Variants in ATP6V0A4 observed in about 807,000 individuals in gnomAD.
ATP6V0A4 encodes the protein ATPase H+ transporting V0 subunit a4.
ATP6V0A4 carries 86 observed loss-of-function variants against 107.3 expected under a neutral mutation model. That is an observed-to-expected ratio of 0.80 (90% CI 0.67 to 0.96). The LOEUF is 0.96. Among genes scored for constraint, ATP6V0A4 ranks in the 40% least tolerant of loss-of-function variants. The pLI is 0.00. For synonymous variants in ATP6V0A4, 353 were observed against 381.4 expected (o/e 0.93, Z 0.87); for missense variants, 908 against 1,045.6 (o/e 0.87, Z 1.81).
intron 18 of ATP6V0A4, among the ~76,000 whole-genome samples, chr7:138,725,808 C>T (rs1009199982): frequency 3.0e-4 from 46 of 152,028 alleles, no homozygotes; most frequent in Non-Finnish European, 2.9e-5. Flanking sequence ...CCACTGTGCC[C>T]GGTCAGGACT....
intron 5 of ATP6V0A4, among the ~76,000 whole-genome samples, chr7:138,763,681 G>A (rs765158348): frequency 6.6e-6 from 1 of 151,114 alleles, no homozygotes; most frequent in Non-Finnish European, 1.5e-5. Flanking sequence ...AAACAATATG[G>A]AGTCTTAAAA....
Position 138,709,809 on chromosome 7 carries a change from G to T in ATP6V0A4, c.2258-14C>A. ...CTTCAGACAGTTCTGCAAGGTACGAGAAACCACTGGGATTATCTTGTAAAT... is the reference window on the plus strand; with the variant it reads ...CTTCAGACAGTTCTGCAAGGTACGATAAACCACTGGGATTATCTTGTAAAT... On this transcript the variant is annotated splice_polypyrimidine_tract_variant and intron_variant, in intron 20 of 21. Coordinates refer to ENST00000310018, the MANE Select transcript of ATP6V0A4 (RefSeq NM_020632.3). The T allele has an allele frequency of 6.2e-7, 1 of 1,613,336 alleles. No homozygotes were observed. Among genetic ancestry groups the T allele is most frequent in the East Asian group, 2.2e-5 (1 of 44,850 alleles).
At chr7:138,751,788 A>G (rs1476054509) in intron 11 of ATP6V0A4, among the ~76,000 whole-genome samples, 3 of 152,068 alleles carry the variant, frequency 2.0e-5, no homozygotes, top group Non-Finnish European at 4.4e-5. Context: ...ATGCTTGGTT[A>G]TTCATCTTTC....
intron 21 of ATP6V0A4, among the ~76,000 whole-genome samples, chr7:138,709,037 C>T (rs1362256476): frequency 6.6e-6 from 1 of 152,000 alleles, no homozygotes; most frequent in Non-Finnish European, 1.5e-5. Context: ...GGGGAAACCC[C>T]GTCTCTGCCA....
Position 138,747,422 on chromosome 7 carries a change from C to T in ATP6V0A4, c.1320+3G>A. 6 of 1,614,086 alleles carry T rather than the reference C, an allele frequency of 3.7e-6. No individual in the cohort carries two copies. The highest frequency in any genetic ancestry group is 4.5e-5 in the East Asian group (2 of 44,880). ...CAGGGCAAGACGGTCAATGGACACT[C>T]ACCTCATTGTCTGTCTTCTGGGAGA... On this transcript the variant is annotated splice_donor_region_variant and intron_variant, in intron 13 of 21. Transcript: ENST00000310018.
At chr7:138,762,214 G>C (rs1806856835) in intron 7 of ATP6V0A4, 126 bp downstream of exon 7, 1 of 1,249,564 alleles carries the variant, frequency 8.0e-7, no homozygotes, top group Admixed American at 1.8e-5. Context: ...CTATCGCTTG[G>C]CAGAGGCTTT....
intron 18 of ATP6V0A4, 97 bp from the exon 19 acceptor site, chr7:138,722,122 T>C: frequency 1.3e-6 from 2 of 1,548,364 alleles, no homozygotes; most frequent in East Asian, 2.4e-5. Flanking sequence ...ATACTACCTA[T>C]GTACCAGACA....
chr7:138,779,733 A>C (rs1018408696), intron 2 of ATP6V0A4, among the ~76,000 whole-genome samples: 1 of 152,222 alleles, frequency 6.6e-6, no homozygotes, highest in African/African-American at 2.4e-5. Context: ...CTGATACCCC[A>C]TAACTTCATT....
intron 12 of ATP6V0A4, 142 bp downstream of exon 12, chr7:138,749,025 T>C: frequency 8.8e-7 from 1 of 1,134,998 alleles, no homozygotes; most frequent in Non-Finnish European, 1.3e-6. Context: ...ACTATCCTAC[T>C]TATTCCTCTG....
intron 14 of ATP6V0A4, among the ~76,000 whole-genome samples, chr7:138,744,832 A>T (rs1023247405): frequency 3.9e-5 from 6 of 152,022 alleles, no homozygotes; most frequent in Non-Finnish European, 8.8e-5. Flanking sequence ...CCTCCCGAGT[A>T]GCTGAGATTC....
rs541974004 is a variant in ATP6V0A4 at position 138,742,621 on chromosome 7, C to T, written c.1478+2502G>A. ...TTCATTGCAGCCTCAACCTCCCAGG[C>T]TCAAATGATCTTCCTGTCTCAGCCT... On this transcript the variant is annotated intron_variant, in intron 14 of 21. Coordinates refer to ENST00000310018, the MANE Select transcript of ATP6V0A4 (RefSeq NM_020632.3). Among the ~76,000 whole-genome samples, 8 of 151,962 alleles carry T rather than the reference C, an allele frequency of 5.3e-5. No individual in the cohort carries two copies. In the East Asian group the frequency reaches 1.6e-3, roughly 30 times the overall value.
rs1803383937 is a variant in ATP6V0A4 at position 138,706,694 on chromosome 7, T to C, written c.2453A>G (p.Tyr818Cys). ...LHWVEFQNKF[Y>C]VGDGYKFSPF... ...AGAAAACTTGTAACCATCCCCGACA[T>C]AGAACTTGTTCTGGAACTCAACCCT... The change falls in exon 22 of 22, where the codon TAT becomes TGT. Residue 818 changes from tyrosine to cysteine, a missense_variant. Coordinates refer to ENST00000310018, the MANE Select transcript of ATP6V0A4 (RefSeq NM_020632.3). 6.2e-7 allele frequency: 1 copy of C among 1,613,702 alleles called. No homozygotes were observed. The highest frequency in any genetic ancestry group is 1.1e-5 in the South Asian group (1 of 91,054).
At chr7:138,740,885 G>A (rs1805604435) in intron 14 of ATP6V0A4, among the ~76,000 whole-genome samples, 2 of 151,482 alleles carry the variant, frequency 1.3e-5, no homozygotes, top group Non-Finnish European at 2.9e-5. Context: ...GCTCATGCTT[G>A]TAATCCCAGC....
At chr7:138,778,127 A>C (rs1807752813) in intron 2 of ATP6V0A4, among the ~76,000 whole-genome samples, 1 of 152,212 alleles carries the variant, frequency 6.6e-6, no homozygotes, top group Non-Finnish European at 1.5e-5. Flanking sequence ...TAATCCCAGC[A>C]CTTTGGGAGG....
chr7:138,763,888 A>G (rs1806951993), intron 5 of ATP6V0A4, among the ~76,000 whole-genome samples: 1 of 151,200 alleles, frequency 6.6e-6, no homozygotes, highest in African/African-American at 2.4e-5. Flanking sequence ...TGAATCCGGG[A>G]GGCAGAGGTT....
At chr7:138,733,461 G>C (rs1805134911) in intron 16 of ATP6V0A4, among the ~76,000 whole-genome samples, 1 of 150,212 alleles carries the variant, frequency 6.7e-6, no homozygotes, top group Non-Finnish European at 1.5e-5. Flanking sequence ...ATGGGGACCT[G>C]GAAGCTTTTT....
intron 5 of ATP6V0A4, among the ~76,000 whole-genome samples, chr7:138,767,310 G>A (rs1242206117): frequency 6.6e-6 from 1 of 152,148 alleles, no homozygotes; most frequent in Non-Finnish European, 1.5e-5. Context: ...ATCACCTGAG[G>A]TCAGGAGTTC....
At chr7:138,730,931 C>CTT (rs66521953) in intron 17 of ATP6V0A4, among the ~76,000 whole-genome samples, 13,965 of 123,392 alleles carry the variant, frequency 0.11, 1,529 homozygotes, top group Admixed American at 0.24. Flanking sequence ...TCTTCTTCTT[C>CTT]TTTTTTTATT....
chr7:138,721,914 C>T lies in ATP6V0A4; in HGVS notation c.2122G>A (p.Asp708Asn), dbSNP rs1343646193. 6.2e-7 allele frequency: 1 copy of T among 1,614,104 alleles called. No individual in the cohort carries two copies. The highest frequency in any genetic ancestry group is 2.2e-5 in the East Asian group (1 of 44,872). Reference sequence around the variant, plus strand: ...CCAGATACCTCTTCTCCATGGTCGTCCAGAGCCCCGTGGGTATCTGCAGAA... The same window carrying T: ...CCAGATACCTCTTCTCCATGGTCGTTCAGAGCCCCGTGGGTATCTGCAGAA... The part of the protein sequence containing the change: ...RTSADTHGAL[D>N]DHGEEFNFGD... The change falls in exon 19 of 22, where the codon GAC becomes AAC. Residue 708 changes from aspartate (D) to asparagine (N), a missense_variant. Physicochemically the swap from Asp to Asn is conservative, Grantham distance 23. Coordinates refer to ENST00000310018, the MANE Select transcript of ATP6V0A4 (RefSeq NM_020632.3).
Sources: gnomAD v4.1 joint callset for allele counts (sites outside exome capture counted in the v4.1 genomes callset) on GRCh38, gnomAD v4.1.1 for gene constraint, MANE v1.5 for transcripts, NCBI Gene and HGNC (gene_info 2026-07-23, HGNC 2026-07-21) for gene names.